ELAPOR1: variants seen among roughly 807,000 people sequenced by gnomAD.
The protein encoded by ELAPOR1 is endosome-lysosome associated apoptosis and autophagy regulator 1.
In ELAPOR1, 77 loss-of-function variants were observed where a neutral mutation model predicts 119.7. That is an observed-to-expected ratio of 0.64 (90% CI 0.54 to 0.78). ELAPOR1 has a LOEUF of 0.78. Ranked by LOEUF, ELAPOR1 falls within the 30% of genes least tolerant of loss-of-function variation. The pLI is 0.00. For missense variants in ELAPOR1, 1,115 were observed against 1,270.4 expected, an observed-to-expected ratio of 0.88 and a Z score of 1.86; for synonymous variants, 481 against 487.2, an observed-to-expected ratio of 0.99 and a Z score of 0.17.
In ELAPOR1 at chr1:109,193,885, C is replaced by T. The variant is rs566568952; in HGVS notation, c.1948-536C>T. Among the ~76,000 whole-genome samples the T allele has an allele frequency of 7.9e-5, 12 of 152,300 alleles. No homozygotes were observed. The East Asian group carries it at 2.3e-3, about 29-fold the overall frequency. On this transcript the variant is annotated intron_variant, in intron 14 of 21. Coordinates refer to ENST00000369939, the MANE Select transcript of ELAPOR1 (RefSeq NM_020775.5). ...GGGAATGACAGTTGTGTGCGGCTACCGCTGAATGGTGACCCTAAAACAGAG... is the reference window on the plus strand; with the variant it reads ...GGGAATGACAGTTGTGTGCGGCTACTGCTGAATGGTGACCCTAAAACAGAG...
Position 109,141,052 on chromosome 1 carries a change from G to A in ELAPOR1, c.154-20842G>A, listed in dbSNP as rs1043217889. Reference sequence around the variant, plus strand: ...TTTTTAGTAGAGACGGGGTTTCACCGGGTTGGCCAGGCTGGCCTCGAACTC... The same window carrying A: ...TTTTTAGTAGAGACGGGGTTTCACCAGGTTGGCCAGGCTGGCCTCGAACTC... On this transcript the variant is annotated intron_variant, in intron 1 of 21. Transcript: ENST00000369939. Among the ~76,000 whole-genome samples, 7 of 152,000 alleles carry A rather than the reference G, an allele frequency of 4.6e-5. No homozygotes were observed. The East Asian group carries it at 7.7e-4, about 17-fold the overall frequency.
intron 1 of ELAPOR1, among the ~76,000 whole-genome samples, chr1:109,132,292 C>T (rs770803804): frequency 5.9e-5 from 9 of 152,004 alleles, no homozygotes; most frequent in Non-Finnish European, 1.0e-4. Flanking sequence ...GGATTACAGG[C>T]ATCCGCCACC....
intron 11 of ELAPOR1, 98 bp from the exon 12 acceptor site, chr1:109,191,268 C>A: frequency 2.5e-6 from 2 of 792,492 alleles, no homozygotes; most frequent in African/African-American, 1.7e-5. Flanking sequence ...ATACTCAGAA[C>A]TTAACCCTGT....
At position 109,148,550 on chromosome 1, in the gene ELAPOR1, A is replaced by C. The variant is rs187564462; in HGVS notation, c.154-13344A>C. Among the ~76,000 whole-genome samples, 860 of 152,362 alleles carry C rather than the reference A, an allele frequency of 5.6e-3. 8 individuals carry two copies. Among genetic ancestry groups the C allele is most frequent in the South Asian group, 7.9e-3 (38 of 4,828 alleles). On this transcript the variant is annotated intron_variant, in intron 1 of 21. Transcript: ENST00000369939. ...ACTCCATTTGGAGAAACAGTGCTAT[A>C]GGAGATTGAGTATTGCAGCTGCTCA...
intron 1 of ELAPOR1, among the ~76,000 whole-genome samples, chr1:109,161,319 A>G (rs1651235675): frequency 6.7e-6 from 1 of 149,298 alleles, no homozygotes. Flanking sequence ...CTGAGGCAGG[A>G]GAATCGCTTG....
intron 3 of ELAPOR1, among the ~76,000 whole-genome samples, chr1:109,170,627 A>G (rs1439568191): frequency 6.6e-6 from 1 of 152,196 alleles, no homozygotes; most frequent in Non-Finnish European, 1.5e-5. Flanking sequence ...GAGTTGAAGT[A>G]TATAGAGTGC....
At chr1:109,151,826 G>GCC (rs1650547791) in intron 1 of ELAPOR1, among the ~76,000 whole-genome samples, 2 of 151,294 alleles carry the variant, frequency 1.3e-5, no homozygotes, top group South Asian at 4.2e-4. Context: ...TATTGACTCT[G>GCC]CTATACCCAG....
At position 109,164,724 on chromosome 1, in the gene ELAPOR1, G is replaced by A. The variant is rs149065647; in HGVS notation, c.467+33G>A. On this transcript the variant is annotated intron_variant, in intron 3 of 21. Coordinates refer to ENST00000369939, the MANE Select transcript of ELAPOR1 (RefSeq NM_020775.5). Reference sequence around the variant, plus strand: ...TGCACACACCCCCACCCCACCCCCAGCCCACTGGGTAAGGGGCTACAGGGC... The same window carrying A: ...TGCACACACCCCCACCCCACCCCCAACCCACTGGGTAAGGGGCTACAGGGC... The A allele has an allele frequency of 2.8e-3, 4,464 of 1,584,100 alleles. 104 individuals carry two copies. In the African/African-American group the frequency reaches 0.052, roughly 19 times the overall value.
chr1:109,116,548 A>G (rs780461055), intron 1 of ELAPOR1, among the ~76,000 whole-genome samples: 3 of 152,174 alleles, frequency 2.0e-5, no homozygotes, highest in Non-Finnish European at 4.4e-5. Flanking sequence ...CCTCAACTCC[A>G]AAACAATCAG....
At chr1:109,197,688 AGT>A (rs5776967) in intron 16 of ELAPOR1, 34 bp downstream of exon 16, 129,404 of 1,238,978 alleles carry the variant, frequency 0.1, 45 homozygotes, top group Non-Finnish European at 0.11. Flanking sequence ...CTTGTTTGAG[AGT>A]GTGTGTGTGT....
intron 12 of ELAPOR1, 66 bp from the exon 13 acceptor site, chr1:109,191,660 A>G: frequency 1.3e-6 from 2 of 1,593,026 alleles, no homozygotes; most frequent in Non-Finnish European, 8.6e-7. Flanking sequence ...CTGGGATGGC[A>G]GCCACATGGG....
intron 1 of ELAPOR1, among the ~76,000 whole-genome samples, chr1:109,158,532 C>A (rs1004927925): frequency 2.0e-5 from 3 of 152,078 alleles, no homozygotes; most frequent in Admixed American, 6.6e-5. Context: ...CGGAAGGATG[C>A]GCTAACTACA....
chr1:109,168,228 G>T (rs974082896), intron 3 of ELAPOR1, among the ~76,000 whole-genome samples: 8 of 151,908 alleles, frequency 5.3e-5, no homozygotes, highest in Non-Finnish European at 1.0e-4. Flanking sequence ...AACCATCCCC[G>T]ACCCCACAGA....
At chr1:109,142,485 AC>A (rs774999768) in intron 1 of ELAPOR1, among the ~76,000 whole-genome samples, 10 of 152,220 alleles carry the variant, frequency 6.6e-5, no homozygotes, top group Admixed American at 3.9e-4. Context: ...TATCAGTGTC[AC>A]TGAGCGTGGA....
chr1:109,196,745 C>T (rs1487893775), intron 15 of ELAPOR1, among the ~76,000 whole-genome samples: 1 of 151,236 alleles, frequency 6.6e-6, no homozygotes, highest in Non-Finnish European at 1.5e-5. Context: ...TGCAGTGGCA[C>T]GATCTCTGCT....
At chr1:109,155,133 C>G (rs140406397) in intron 1 of ELAPOR1, among the ~76,000 whole-genome samples, 5,650 of 152,216 alleles carry the variant, frequency 0.037, 162 homozygotes, top group Non-Finnish European at 0.061. Context: ...ACATAACAGG[C>G]CCTCAGTACG....
intron 1 of ELAPOR1, among the ~76,000 whole-genome samples, chr1:109,138,905 C>G (rs1570625906): frequency 7.1e-6 from 1 of 141,416 alleles, no homozygotes; most frequent in Admixed American, 7.1e-5. Flanking sequence ...TAATTTAAAA[C>G]AAATTTTTAA....
chr1:109,127,109 G>T (rs1648826860), intron 1 of ELAPOR1, among the ~76,000 whole-genome samples: 1 of 150,854 alleles, frequency 6.6e-6, no homozygotes, highest in African/African-American at 2.4e-5. Flanking sequence ...CCAGATAAAA[G>T]AACACAACAG....
At chr1:109,180,951 A>C (rs1281545672) in intron 7 of ELAPOR1, among the ~76,000 whole-genome samples, 1 of 152,176 alleles carries the variant, frequency 6.6e-6, no homozygotes, top group East Asian at 1.9e-4. Flanking sequence ...TGACAGAGTG[A>C]GGCCCTGTCT....
Sources: gnomAD v4.1 joint callset for allele counts (sites outside exome capture counted in the v4.1 genomes callset) on GRCh38, gnomAD v4.1.1 for gene constraint, MANE v1.5 for transcripts, NCBI Gene and HGNC (gene_info 2026-07-23, HGNC 2026-07-21) for gene names.